MCTP2: variants seen among roughly 807,000 people sequenced by gnomAD.
MCTP2 encodes multiple C2 and transmembrane domain-containing protein 2.
A neutral mutation model predicts 111.6 loss-of-function variants in MCTP2; 132 were observed. That is an observed-to-expected ratio of 1.18 (90% CI 1.03 to 1.37). The LOEUF is 1.37. Ranked by LOEUF, MCTP2 falls within the 40% of genes most tolerant of loss-of-function variation. The pLI is 0.00. For synonymous variants in MCTP2, 395 were observed against 387.7 expected (o/e 1.02, Z -0.22); for missense variants, 1,183 against 1,067.9 (o/e 1.11, Z -1.50).
At position 94,385,636 on chromosome 15, in the gene MCTP2, C is replaced by T. The variant is rs139239124; in HGVS notation, c.1788+111C>T. 1.2e-4 allele frequency: 85 copies of T among 735,348 alleles called. No individual in the cohort carries two copies. The African/African-American group carries it at 1.2e-3, about 10-fold the overall frequency. 45.6% of individuals were successfully genotyped at this position (735,348 alleles called of 1,614,324 possible). A position where few individuals can be genotyped will look rare whatever the true frequency, so the allele number is the denominator to read the frequency against. ...ACCTGGGGGAAAAAAATCCTCCTAA[C>T]TATAGCAGGAAACGACTGTTTTATT... On this transcript the variant is annotated intron_variant, in intron 14 of 22. Coordinates refer to ENST00000357742, the MANE Select transcript of MCTP2 (RefSeq NM_001385001.1).
intron 1 of MCTP2, among the ~76,000 whole-genome samples, chr15:94,245,302 ATACATATATG>A (rs1399527447): frequency 1.4e-5 from 2 of 142,612 alleles, no homozygotes; most frequent in Non-Finnish European, 3.0e-5. Flanking sequence ...ATATATTTAT[ATACATATATG>A]TACATATATT....
chr15:94,456,430 G>A (rs747441461), intron 19 of MCTP2, among the ~76,000 whole-genome samples: 7 of 152,194 alleles, frequency 4.6e-5, no homozygotes, highest in Admixed American at 6.5e-5. Context: ...GGATGCTGCC[G>A]AAAAGAGGAA....
intron 10 of MCTP2, among the ~76,000 whole-genome samples, chr15:94,365,256 A>G (rs567278986): frequency 6.6e-6 from 1 of 152,368 alleles, no homozygotes; most frequent in South Asian, 2.1e-4. Flanking sequence ...TAGTTATCAA[A>G]GACTGTAAAA....
intron 1 of MCTP2, among the ~76,000 whole-genome samples, chr15:94,268,032 A>AT (rs2073668611): frequency 6.7e-6 from 1 of 148,650 alleles, no homozygotes; most frequent in Non-Finnish European, 1.5e-5. Context: ...CACCTGGCTA[A>AT]TTTTTTGCAT....
chr15:94,319,040 T>TG (rs973914208), intron 4 of MCTP2, among the ~76,000 whole-genome samples: 19 of 151,992 alleles, frequency 1.3e-4, no homozygotes, highest in Admixed American at 8.5e-4. Flanking sequence ...GTTCTTGGTT[T>TG]TTTTTTTTTT....
chr15:94,381,188 CAAAT>C (rs1316546589), intron 12 of MCTP2, among the ~76,000 whole-genome samples: 2 of 152,150 alleles, frequency 1.3e-5, no homozygotes, highest in Non-Finnish European at 2.9e-5. Context: ...CTTGTTATCT[CAAAT>C]AAGAATATTT....
intron 1 of MCTP2, among the ~76,000 whole-genome samples, chr15:94,267,055 A>T (rs1416077899): frequency 6.6e-6 from 1 of 152,154 alleles, no homozygotes. Flanking sequence ...CAGTTGATTC[A>T]GTTTTTGTGT....
intron 3 of MCTP2, 135 bp downstream of exon 3, chr15:94,314,479 C>G (rs2076292534): frequency 1.1e-5 from 7 of 661,242 alleles, no homozygotes; most frequent in Non-Finnish European, 1.8e-5. Flanking sequence ...CTTACAAAAC[C>G]AGGCCTTGCA....
chr15:94,343,418 C>T (rs1366451119), intron 7 of MCTP2: 2 of 152,086 alleles, frequency 1.3e-5, no homozygotes, highest in Non-Finnish European at 2.9e-5. Context: ...AGTTTAAATT[C>T]TCAGTTTTTT....
At chr15:94,382,362 C>T (rs1279550889) in intron 12 of MCTP2, among the ~76,000 whole-genome samples, 1 of 152,214 alleles carries the variant, frequency 6.6e-6, no homozygotes, top group Non-Finnish European at 1.5e-5. Flanking sequence ...AGACAGGGAC[C>T]ATTTCCATTG....
At chr15:94,298,151 GTTTT>G in intron 1 of MCTP2, 46 bp from the exon 2 acceptor site, 3 of 632,882 alleles carry the variant, frequency 4.7e-6, no homozygotes, top group East Asian at 3.4e-5. Flanking sequence ...GAAGGTTCAT[GTTTT>G]TTTTTTTTGT....
chr15:94,279,544 T>C (rs2074375725), intron 1 of MCTP2, among the ~76,000 whole-genome samples: 1 of 152,146 alleles, frequency 6.6e-6, no homozygotes, highest in African/African-American at 2.4e-5. Flanking sequence ...AGGTAAAGAA[T>C]TGTATAGTCT....
At chr15:94,446,847 C>T (rs2084147313) in intron 19 of MCTP2, among the ~76,000 whole-genome samples, 1 of 152,144 alleles carries the variant, frequency 6.6e-6, no homozygotes, top group South Asian at 2.1e-4. Flanking sequence ...TCACAATTGC[C>T]TGACAGTGTT....
chr15:94,418,553 A>G (rs924048080), intron 17 of MCTP2, among the ~76,000 whole-genome samples: 2 of 152,132 alleles, frequency 1.3e-5, no homozygotes, highest in Non-Finnish European at 2.9e-5. Context: ...CTAGGGGGAA[A>G]AAGCCAATAG....
At chr15:94,277,101 G>A (rs2074257138) in intron 1 of MCTP2, among the ~76,000 whole-genome samples, 2 of 152,028 alleles carry the variant, frequency 1.3e-5, no homozygotes, top group Non-Finnish European at 2.9e-5. Flanking sequence ...AAGATGGTTG[G>A]AATTAGAATC....
intron 17 of MCTP2, among the ~76,000 whole-genome samples, chr15:94,415,809 T>C (rs1405064861): frequency 2.0e-5 from 3 of 152,176 alleles, no homozygotes; most frequent in Non-Finnish European, 2.9e-5. Context: ...TGGAGAATCC[T>C]AACTCAATCT....
chr15:94,378,504 G>A (rs1211940326), intron 12 of MCTP2, among the ~76,000 whole-genome samples: 1 of 152,078 alleles, frequency 6.6e-6, no homozygotes, highest in East Asian at 1.9e-4. Context: ...CTCCAACCTG[G>A]GTGACAGAGT....
intron 10 of MCTP2, among the ~76,000 whole-genome samples, chr15:94,359,075 G>A (rs977065753): frequency 6.6e-6 from 1 of 151,966 alleles, no homozygotes; most frequent in African/African-American, 2.4e-5. Context: ...CTTTACTTTT[G>A]GACCCTCTCA....
intron 17 of MCTP2, among the ~76,000 whole-genome samples, chr15:94,426,294 C>T (rs573227869): frequency 1.3e-5 from 2 of 152,180 alleles, no homozygotes; most frequent in Admixed American, 1.3e-4. Context: ...CCTAGTCTCT[C>T]TTTTCTCTCT....
Sources: gnomAD v4.1 joint callset for allele counts (sites outside exome capture counted in the v4.1 genomes callset) on GRCh38, gnomAD v4.1.1 for gene constraint, MANE v1.5 for transcripts, NCBI Gene and HGNC (gene_info 2026-07-23, HGNC 2026-07-21) for gene names.